Variants in PCDH11X observed in about 807,000 individuals in gnomAD.
The protein encoded by PCDH11X is protocadherin 11 X-linked, also known as protocadherin-11 X-linked.
Under a neutral mutation model 53.3 loss-of-function variants are expected in PCDH11X, and 18 were observed. The observed-to-expected ratio is 0.34, with a 90% CI of 0.23 to 0.50. The LOEUF (loss-of-function observed/expected upper bound fraction) is 0.50, where lower values mean the gene tolerates loss of function less well. PCDH11X is among the 20% of genes least tolerant of loss of function. PCDH11X has a pLI of 0.98. For synonymous variants in PCDH11X, 279 were observed against 393.3 expected, an observed-to-expected ratio of 0.71 and a Z score of 3.44; for missense variants, 570 against 1,032.4, an observed-to-expected ratio of 0.55 and a Z score of 6.14.
At chrX:91,824,498 T>G (rs1358798116) in intron 4 of PCDH11X, among the ~76,000 whole-genome samples, 1 of 111,296 alleles carries the variant, frequency 9.0e-6, no homozygotes, top group African/African-American at 3.3e-5. Flanking sequence ...TCTTCACGTA[T>G]TTCTTGAGCC....
chrX:92,466,393 T>C (rs2073157973), intron 9 of PCDH11X, among the ~76,000 whole-genome samples: 1 of 108,622 alleles, frequency 9.2e-6, no homozygotes, highest in South Asian at 3.9e-4. Flanking sequence ...GCCTTTAGCT[T>C]ACACAAAAAA....
chrX:92,430,860 T>C (rs1303357573), intron 9 of PCDH11X, among the ~76,000 whole-genome samples: 2 of 108,402 alleles, frequency 1.8e-5, no homozygotes, highest in Admixed American at 1.0e-4. Flanking sequence ...TAATGCATGG[T>C]AGCATATGTT....
At chrX:92,068,139 A>C (rs1216447767) in intron 6 of PCDH11X, among the ~76,000 whole-genome samples, 1 of 109,467 alleles carries the variant, frequency 9.1e-6, no homozygotes, top group African/African-American at 3.4e-5. Flanking sequence ...TGTTTTCCTC[A>C]TTTCAAGTTC....
chrX:92,153,710 A>G (rs1439867525), intron 6 of PCDH11X, among the ~76,000 whole-genome samples: 2 of 111,778 alleles, frequency 1.8e-5, no homozygotes, highest in Non-Finnish European at 3.8e-5. Context: ...GATGGTGAGC[A>G]TGGCAGGAGC....
Position 91,791,333 on chromosome X carries a change from T to C in PCDH11X, c.-379+11649T>C, listed in dbSNP as rs770616626. Among the ~76,000 whole-genome samples, 5 of 110,466 alleles carry C rather than the reference T, an allele frequency of 4.5e-5. No homozygotes were observed. In the East Asian group the frequency reaches 1.4e-3, roughly 32 times the overall value. On this transcript the variant is annotated intron_variant, in intron 1 of 10. Transcript: ENST00000682573. ...AGTTCTACAGGCTGTATAGGAAGCATGGCTAGGGGAGGCCTCAGGAAACTT... is the reference window on the plus strand; with the variant it reads ...AGTTCTACAGGCTGTATAGGAAGCACGGCTAGGGGAGGCCTCAGGAAACTT...
At chrX:91,902,223 T>A (rs1940980272) in intron 6 of PCDH11X, among the ~76,000 whole-genome samples, 1 of 110,436 alleles carries the variant, frequency 9.1e-6, no homozygotes, top group Admixed American at 9.8e-5. Context: ...ACTTCCTCAA[T>A]TCCCAATTGC....
At chrX:92,031,089 T>C (rs759439865) in intron 6 of PCDH11X, among the ~76,000 whole-genome samples, 2 of 111,466 alleles carry the variant, frequency 1.8e-5, no homozygotes, top group East Asian at 5.7e-4. Flanking sequence ...TTGTACTAAT[T>C]TACATTCCCA....
chrX:92,007,446 A>G (rs764054358), intron 6 of PCDH11X, among the ~76,000 whole-genome samples: 2 of 110,921 alleles, frequency 1.8e-5, no homozygotes, highest in East Asian at 5.8e-4. Context: ...TTATGACCCA[A>G]GGTCTCTTAA....
intron 6 of PCDH11X, among the ~76,000 whole-genome samples, chrX:92,172,876 A>G: frequency 8.9e-6 from 1 of 111,851 alleles, no homozygotes; most frequent in South Asian, 3.7e-4. Flanking sequence ...AATTATTCCT[A>G]TAGTACTTAA....
At chrX:92,064,373 T>A (rs2063571535) in intron 6 of PCDH11X, among the ~76,000 whole-genome samples, 1 of 110,283 alleles carries the variant, frequency 9.1e-6, no homozygotes, top group Admixed American at 9.7e-5. Flanking sequence ...TTACATACAA[T>A]ACAATGCACC....
intron 10 of PCDH11X, among the ~76,000 whole-genome samples, chrX:92,550,719 A>G (rs1480380018): frequency 1.8e-5 from 2 of 109,489 alleles, no homozygotes; most frequent in South Asian, 7.8e-4. Flanking sequence ...AACCATCCCC[A>G]TCTAAATCCC....
At chrX:92,105,848 C>A (rs2064373119) in intron 6 of PCDH11X, among the ~76,000 whole-genome samples, 1 of 111,504 alleles carries the variant, frequency 9.0e-6, no homozygotes, top group African/African-American at 3.3e-5. Context: ...TTAGTTAGTT[C>A]AGGCCATCCG....
intron 9 of PCDH11X, among the ~76,000 whole-genome samples, chrX:92,416,884 C>T (rs1264028119): frequency 2.7e-5 from 3 of 111,238 alleles, no homozygotes; most frequent in Non-Finnish European, 5.7e-5. Context: ...AAAAGTTGTA[C>T]GTTATTTATT....
chrX:92,022,718 A>T, intron 6 of PCDH11X, among the ~76,000 whole-genome samples: 1 of 111,544 alleles, frequency 9.0e-6, no homozygotes, highest in African/African-American at 3.3e-5. Flanking sequence ...CAGAGTATAC[A>T]TTCTTCTCAG....
In PCDH11X at chrX:92,231,420, A is replaced by C. The variant is rs917273459; in HGVS notation, c.3114+29965A>C. On this transcript the variant is annotated intron_variant, in intron 7 of 10. Coordinates refer to ENST00000682573, the MANE Select transcript of PCDH11X (RefSeq NM_032968.5). ...GAAAATTGCCAGATCATTTGAAAGA[A>C]AAGCCATCTCTGAAAATTTTCATTT... 2.7e-5 allele frequency among the ~76,000 whole-genome samples: 3 copies of C among 111,920 alleles called. No homozygotes were observed. The Admixed American group carries it at 2.9e-4, about 11-fold the overall frequency.
intron 5 of PCDH11X, among the ~76,000 whole-genome samples, chrX:91,845,298 G>T (rs146374346): frequency 0.098 from 10,577 of 108,045 alleles, 1,782 homozygotes; most frequent in African/African-American, 0.36. Flanking sequence ...ATACTGCTTT[G>T]GCTTGGAGGA....
chrX:91,943,965 C>T (rs1484232793), intron 6 of PCDH11X, among the ~76,000 whole-genome samples: 3 of 103,511 alleles, frequency 2.9e-5, no homozygotes, highest in Non-Finnish European at 5.9e-5. Context: ...TTCACCTTAG[C>T]TGGCTTAGCT....
Position 91,835,509 on chromosome X carries a change from A to G in PCDH11X, c.5A>G (p.Asp2Gly). The G allele has an allele frequency of 8.3e-7, 1 of 1,211,012 alleles. No individual in the cohort carries two copies. Among genetic ancestry groups the G allele is most frequent in the Non-Finnish European group, 1.1e-6 (1 of 895,396 alleles). The stretch of plus-strand genomic sequence containing the variant: ...ACTGTAACAAGTGTACCTGGTATGG[A>G]CTTGTTGTCCGGGACGTACATTTTC... M[D>G]LLSGTYIFAV... Residue 2 changes from aspartate to glycine, a missense_variant, in exon 5 of 11, where the codon GAC (aspartate) becomes GGC (glycine). Asp to Gly is a moderately conservative substitution (Grantham distance 94, BLOSUM62 -1). Transcript: ENST00000682573.
At chrX:92,393,807 A>G (rs931186718) in intron 9 of PCDH11X, among the ~76,000 whole-genome samples, 11 of 110,654 alleles carry the variant, frequency 9.9e-5, no homozygotes, top group African/African-American at 3.6e-4. Flanking sequence ...TTTTAGAGAG[A>G]ATAAGGTATA....
Sources: gnomAD v4.1 joint callset for allele counts (sites outside exome capture counted in the v4.1 genomes callset) on GRCh38, gnomAD v4.1.1 for gene constraint, MANE v1.5 for transcripts, NCBI Gene and HGNC (gene_info 2026-07-23, HGNC 2026-07-21) for gene names.